The following SDK1 variants were observed in gnomAD, a reference collection of about 807,000 sequenced individuals.
SDK1 encodes protein sidekick-1.
Under a neutral mutation model 245.5 loss-of-function variants are expected in SDK1, and 157 were observed. That is an observed-to-expected ratio of 0.64 (90% CI 0.56 to 0.73). The LOEUF is 0.73. Ranked by LOEUF, SDK1 falls within the 30% of genes least tolerant of loss-of-function variation. The pLI, the probability that SDK1 is intolerant of heterozygous loss-of-function variation, is 0.00. For missense variants in SDK1, 3,583 were observed against 3,002.3 expected (o/e 1.19, Z -4.52); for synonymous variants, 1,647 against 1,278.5 (o/e 1.29, Z -6.15).
rs115776819 is a variant in SDK1, at chr7:3,407,888, T to C, written c.298+106004T>C. Among the ~76,000 whole-genome samples the C allele has an allele frequency of 5.1e-3, 770 of 152,154 alleles. 8 individuals carry two copies. Among genetic ancestry groups the C allele is most frequent in the African/African-American group, 0.018 (734 of 41,482 alleles). On this transcript the variant is annotated intron_variant, in intron 1 of 44. Coordinates refer to ENST00000404826, the MANE Select transcript of SDK1 (RefSeq NM_152744.4). Reference sequence around the variant, plus strand: ...GCACAGGTGAGGCATCCTACCAGGCTCTGGAGAAAGAGGGAAATATAGCCC... The same window carrying C: ...GCACAGGTGAGGCATCCTACCAGGCCCTGGAGAAAGAGGGAAATATAGCCC...
chr7:3,655,049 C>CTTTTTT (rs10663969), intron 4 of SDK1, among the ~76,000 whole-genome samples: 1 of 144,308 alleles, frequency 6.9e-6, no homozygotes. Context: ...TCATAGCTTG[C>CTTTTTT]TTTTTTTTTT....
rs2128157049 is a variant in SDK1, at chr7:4,027,865, A to AG, written c.2602+10518dup. Reference sequence around the variant, plus strand: ...AACGGTCCTGGTAGAGGAGAGGAGAAGGGGGAGAAGGGGCTTGTGGGAACG... The same window carrying AG: ...AACGGTCCTGGTAGAGGAGAGGAGAAGGGGGGAGAAGGGGCTTGTGGGAACG... On this transcript the variant is annotated intron_variant, in intron 17 of 44. Transcript: ENST00000404826. 2.0e-5 allele frequency among the ~76,000 whole-genome samples: 3 copies of AG among 152,014 alleles called. No individual in the cohort carries two copies. In the South Asian group the frequency reaches 6.3e-4, roughly 32 times the overall value.
intron 1 of SDK1, among the ~76,000 whole-genome samples, chr7:3,588,663 C>T (rs1780764864): frequency 6.6e-6 from 1 of 152,132 alleles, no homozygotes; most frequent in African/African-American, 2.4e-5. Context: ...CTTTTGGGCA[C>T]CTCACTGATG....
At chr7:3,398,875 A>G (rs1257026950) in intron 1 of SDK1, among the ~76,000 whole-genome samples, 2 of 150,994 alleles carry the variant, frequency 1.3e-5, no homozygotes, top group Non-Finnish European at 2.9e-5. Flanking sequence ...CGCTCCTCCT[A>G]GTAAGCTGTG....
At chr7:3,526,310 A>G (rs527985767) in intron 1 of SDK1, among the ~76,000 whole-genome samples, 3 of 152,192 alleles carry the variant, frequency 2.0e-5, no homozygotes, top group African/African-American at 4.8e-5. Flanking sequence ...ATAATTTACC[A>G]TGGATTTTTT....
intron 1 of SDK1, among the ~76,000 whole-genome samples, chr7:3,312,593 C>T (rs1478870874): frequency 1.3e-5 from 2 of 151,168 alleles, no homozygotes; most frequent in Non-Finnish European, 2.9e-5. Context: ...AAAATAACCT[C>T]AATGGACAGG....
At chr7:3,363,364 A>C (rs973768682) in intron 1 of SDK1, among the ~76,000 whole-genome samples, 1 of 151,466 alleles carries the variant, frequency 6.6e-6, no homozygotes, top group Non-Finnish European at 1.5e-5. Context: ...TTAACCATTC[A>C]CCTATTAAAG....
intron 1 of SDK1, among the ~76,000 whole-genome samples, chr7:3,506,829 GT>G (rs1228516227): frequency 6.7e-6 from 1 of 149,714 alleles, no homozygotes; most frequent in Non-Finnish European, 1.5e-5. Context: ...TACATTACAT[GT>G]CTTGTTTTTT....
intron 4 of SDK1, among the ~76,000 whole-genome samples, chr7:3,661,127 C>T (rs942033416): frequency 6.6e-6 from 1 of 152,188 alleles, no homozygotes; most frequent in Non-Finnish European, 1.5e-5. Flanking sequence ...TAACCATTTA[C>T]CTGAGCTTTG....
intron 33 of SDK1, among the ~76,000 whole-genome samples, chr7:4,175,258 G>A (rs1782123279): frequency 6.6e-6 from 1 of 152,236 alleles, no homozygotes; most frequent in Admixed American, 6.5e-5. Flanking sequence ...CACCCCAAAG[G>A]TGGCCCTTGC....
intron 1 of SDK1, among the ~76,000 whole-genome samples, chr7:3,363,042 C>T (rs141485707): frequency 3.7e-4 from 57 of 152,274 alleles, no homozygotes; most frequent in African/African-American, 1.3e-3. Context: ...AATGCCACAT[C>T]TAGGATATTG....
intron 4 of SDK1, among the ~76,000 whole-genome samples, chr7:3,780,558 C>T (rs1294175383): frequency 6.6e-6 from 1 of 152,184 alleles, no homozygotes. Context: ...TCTACCTAGC[C>T]TGAGTTCCTA....
At chr7:3,540,289 C>G (rs553433267) in intron 1 of SDK1, among the ~76,000 whole-genome samples, 4 of 152,328 alleles carry the variant, frequency 2.6e-5, no homozygotes, top group South Asian at 4.1e-4. Context: ...CGCCTGTAAT[C>G]TCAGCTATTC....
At chr7:4,025,016 T>TCACACACA (rs10602730) in intron 17 of SDK1, among the ~76,000 whole-genome samples, 3 of 148,360 alleles carry the variant, frequency 2.0e-5, no homozygotes, top group Non-Finnish European at 3.0e-5. Context: ...TATTTTGCAT[T>TCACACACA]CACACACACA....
intron 27 of SDK1, 158 bp downstream of exon 27, chr7:4,130,255 C>A: frequency 1.3e-6 from 1 of 784,508 alleles, no homozygotes; most frequent in Non-Finnish European, 2.0e-6. Context: ...AGTCACTGAG[C>A]ACTTATATGG....
chr7:3,440,282 A>G (rs557472474), intron 1 of SDK1, among the ~76,000 whole-genome samples: 19 of 152,178 alleles, frequency 1.2e-4, no homozygotes, highest in Non-Finnish European at 2.4e-4. Context: ...TATTTTTTCA[A>G]ATGAAGGAGT....
chr7:4,246,869 C>A (rs929374), intron 44 of SDK1, among the ~76,000 whole-genome samples: 41,756 of 152,070 alleles, frequency 0.27, 6,116 homozygotes, highest in African/African-American at 0.35. Flanking sequence ...TTTCCTGTGC[C>A]AGGTCCTGTG....
chr7:4,161,827 A>C lies in SDK1; in HGVS notation c.4771A>C (p.Thr1591Pro). 3.7e-6 allele frequency: 6 copies of C among 1,614,160 alleles called. No individual in the cohort carries two copies. Among genetic ancestry groups the C allele is most frequent in the Non-Finnish European group, 4.2e-6 (5 of 1,180,002 alleles). ...GGGATCTGTCTCAGCGACGCCACACACCACGTCCTCTGTCCTGATACAGTG... is the reference window on the plus strand; with the variant it reads ...GGGATCTGTCTCAGCGACGCCACACCCCACGTCCTCTGTCCTGATACAGTG... ...PPGSVSATPH[T>P]TSSVLIQWQP... The change falls in exon 32 of 45, where the codon ACC (threonine) becomes CCC (proline). Residue 1591 changes from threonine to proline, a missense_variant. Coordinates refer to ENST00000404826, the MANE Select transcript of SDK1 (RefSeq NM_152744.4).
chr7:3,409,915 C>T (rs926394029), intron 1 of SDK1, among the ~76,000 whole-genome samples: 21 of 152,040 alleles, frequency 1.4e-4, no homozygotes, highest in African/African-American at 5.1e-4. Flanking sequence ...AGAGTGACAG[C>T]ACAGAGGTGA....
Sources: gnomAD v4.1 joint callset for allele counts (sites outside exome capture counted in the v4.1 genomes callset) on GRCh38, gnomAD v4.1.1 for gene constraint, MANE v1.5 for transcripts, NCBI Gene and HGNC (gene_info 2026-07-23, HGNC 2026-07-21) for gene names.